EDIL3: variants seen among roughly 807,000 people sequenced by gnomAD.
EDIL3 encodes the protein EGF-like repeat and discoidin I-like domain-containing protein 3.
Under a neutral mutation model 67.4 loss-of-function variants are expected in EDIL3, and 37 were observed. That is an observed-to-expected ratio of 0.55 (90% CI 0.42 to 0.72). EDIL3 has a LOEUF of 0.72. Ranked by LOEUF, EDIL3 falls within the 30% of genes least tolerant of loss-of-function variation. The pLI is 0.00. For synonymous variants in EDIL3, 195 were observed against 196.3 expected (o/e 0.99, Z 0.05); for missense variants, 527 against 586.3 (o/e 0.90, Z 1.04).
chr5:84,355,419 G>A (rs992873210), intron 1 of EDIL3, among the ~76,000 whole-genome samples: 3 of 151,806 alleles, frequency 2.0e-5, no homozygotes, highest in Non-Finnish European at 4.4e-5. Context: ...TCCTTGCATT[G>A]GGTTACAACA....
At chr5:84,332,870 A>G (rs1405787347) in intron 1 of EDIL3, among the ~76,000 whole-genome samples, 1 of 152,234 alleles carries the variant, frequency 6.6e-6, no homozygotes, top group Non-Finnish European at 1.5e-5. Context: ...CCCACTTGAA[A>G]ATCAAATAAT....
chr5:83,970,151 C>A (rs1044995169), intron 9 of EDIL3, among the ~76,000 whole-genome samples: 3 of 151,040 alleles, frequency 2.0e-5, no homozygotes, highest in Non-Finnish European at 4.4e-5. Context: ...GCTTAACTTT[C>A]TGTATATTTT....
intron 1 of EDIL3, among the ~76,000 whole-genome samples, chr5:84,306,822 T>C (rs971881674): frequency 2.0e-5 from 3 of 152,234 alleles, no homozygotes; most frequent in Non-Finnish European, 4.4e-5. Context: ...GTGATTATGC[T>C]TGTGCACTGG....
chr5:84,073,179 T>A (rs536516492), intron 6 of EDIL3, among the ~76,000 whole-genome samples: 1 of 152,202 alleles, frequency 6.6e-6, no homozygotes, highest in African/African-American at 2.4e-5. Context: ...ATAAATTAGG[T>A]ATTGATGGGA....
At chr5:84,249,814 G>T (rs1360876837) in intron 2 of EDIL3, among the ~76,000 whole-genome samples, 1 of 152,216 alleles carries the variant, frequency 6.6e-6, no homozygotes, top group Admixed American at 6.5e-5. Flanking sequence ...ATACTGATAG[G>T]CTGGGAGAGG....
chr5:84,026,393 T>C (rs941943104), intron 9 of EDIL3, among the ~76,000 whole-genome samples: 6 of 152,344 alleles, frequency 3.9e-5, no homozygotes, highest in Non-Finnish European at 8.8e-5. Flanking sequence ...AGAATATTTG[T>C]TTCCATCTTT....
chr5:84,061,108 G>C (rs1746534784), intron 8 of EDIL3, among the ~76,000 whole-genome samples: 1 of 152,138 alleles, frequency 6.6e-6, no homozygotes, highest in Admixed American at 6.6e-5. Flanking sequence ...CATTGTGCAA[G>C]CATAATTTAA....
chr5:84,115,176 T>C (rs1403611732), intron 5 of EDIL3, among the ~76,000 whole-genome samples: 2 of 135,704 alleles, frequency 1.5e-5, no homozygotes, highest in Non-Finnish European at 3.4e-5. Context: ...TTTCTTCATA[T>C]ACTGGCAGGC....
intron 1 of EDIL3, among the ~76,000 whole-genome samples, chr5:84,343,427 G>T (rs545449123): frequency 6.6e-6 from 1 of 151,816 alleles, no homozygotes; most frequent in Non-Finnish European, 1.5e-5. Flanking sequence ...ATAGTTTCTT[G>T]ACATTCATGC....
intron 1 of EDIL3, among the ~76,000 whole-genome samples, chr5:84,268,706 T>G (rs530850447): frequency 2.6e-5 from 4 of 152,324 alleles, no homozygotes; most frequent in Admixed American, 2.6e-4. Context: ...TCACCTATAT[T>G]CACAAGATTT....
At chr5:84,178,782 T>C (rs1363468668) in intron 4 of EDIL3, among the ~76,000 whole-genome samples, 2 of 152,160 alleles carry the variant, frequency 1.3e-5, no homozygotes, top group Non-Finnish European at 2.9e-5. Flanking sequence ...ATGCAGAAAA[T>C]AGGGACTAGG....
rs1189310015 is a variant in EDIL3 at position 84,204,801 on chromosome 5, AT to A, written c.227-24281del. The stretch of plus-strand genomic sequence containing the variant: ...ATAAGTTAATTGGCCCAAGGCCAAT[AT>A]TTAAAAAAAAAAAAAAAAAAGGCCA... On this transcript the variant is annotated intron_variant, in intron 3 of 10. Transcript: ENST00000296591. Among the ~76,000 whole-genome samples, 10 of 105,146 alleles carry A rather than the reference AT, an allele frequency of 9.5e-5. No homozygotes were observed. The East Asian group carries it at 3.0e-3, about 32-fold the overall frequency. The allele number at this position is 105,146 out of a possible 152,430, so 69.0% of individuals were successfully genotyped here. A position where few individuals can be genotyped will look rare whatever the true frequency, so the allele number is the denominator to read the frequency against.
chr5:83,944,826 G>A (rs1227035008), intron 10 of EDIL3, among the ~76,000 whole-genome samples: 1 of 151,538 alleles, frequency 6.6e-6, no homozygotes, highest in African/African-American at 2.4e-5. Flanking sequence ...TTCTTGTTTG[G>A]CATCAAAACA....
intron 4 of EDIL3, among the ~76,000 whole-genome samples, chr5:84,165,104 T>C (rs1385360528): frequency 6.6e-6 from 1 of 152,090 alleles, no homozygotes; most frequent in Non-Finnish European, 1.5e-5. Flanking sequence ...GGGTCAGATT[T>C]TTGGCAAGAG....
At chr5:83,954,813 A>G (rs1206510937) in intron 10 of EDIL3, among the ~76,000 whole-genome samples, 1 of 151,824 alleles carries the variant, frequency 6.6e-6, no homozygotes. Flanking sequence ...GAAAACTATC[A>G]GATTCACCTA....
intron 1 of EDIL3, among the ~76,000 whole-genome samples, chr5:84,316,946 A>G (rs1363374900): frequency 6.6e-6 from 1 of 152,232 alleles, no homozygotes; most frequent in African/African-American, 2.4e-5. Flanking sequence ...AGAACTCAGG[A>G]TTAAGAAACT....
chr5:84,276,278 T>A (rs1024571259), intron 1 of EDIL3, among the ~76,000 whole-genome samples: 2 of 152,186 alleles, frequency 1.3e-5, no homozygotes, highest in African/African-American at 2.4e-5. Flanking sequence ...CAATCCAGTT[T>A]TAGAAGATTG....
chr5:84,107,762 T>C (rs1295293685), intron 5 of EDIL3, among the ~76,000 whole-genome samples: 1 of 150,000 alleles, frequency 6.7e-6, no homozygotes, highest in East Asian at 1.9e-4. Flanking sequence ...TTGTATTATA[T>C]ATAAAATTAT....
intron 6 of EDIL3, among the ~76,000 whole-genome samples, chr5:84,071,094 T>C (rs964743802): frequency 2.1e-4 from 32 of 152,186 alleles, no homozygotes; most frequent in Admixed American, 1.9e-3. Context: ...TTGTACCCTC[T>C]GCCCTCCACA....
Sources: gnomAD v4.1 joint callset for allele counts (sites outside exome capture counted in the v4.1 genomes callset) on GRCh38, gnomAD v4.1.1 for gene constraint, MANE v1.5 for transcripts, NCBI Gene and HGNC (gene_info 2026-07-23, HGNC 2026-07-21) for gene names.